ST8SIA6: variants seen among roughly 807,000 people sequenced by gnomAD.
ST8SIA6 encodes the protein alpha-2,8-sialyltransferase 8F.
A neutral mutation model predicts 33.6 loss-of-function variants in ST8SIA6; 39 were observed. The observed-to-expected ratio is 1.16, with a 90% CI of 0.90 to 1.52. The LOEUF (loss-of-function observed/expected upper bound fraction) is 1.52, where lower values mean the gene tolerates loss of function less well. Ranked by LOEUF, ST8SIA6 falls within the 40% of genes most tolerant of loss-of-function variation. The pLI, the probability that ST8SIA6 is intolerant of heterozygous loss-of-function variation, is 0.00. For missense variants in ST8SIA6, 441 were observed against 443.8 expected (o/e 0.99, Z 0.06); for synonymous variants, 172 against 167.2 (o/e 1.03, Z -0.22).
chr10:17,364,044 C>CT (rs1366598276), intron 3 of ST8SIA6, among the ~76,000 whole-genome samples: 2 of 149,654 alleles, frequency 1.3e-5, no homozygotes, highest in African/African-American at 5.0e-5. Context: ...TTAAAGATTA[C>CT]TTTATTACTA....
intron 3 of ST8SIA6, among the ~76,000 whole-genome samples, chr10:17,377,919 C>A (rs1483942543): frequency 3.3e-5 from 5 of 152,180 alleles, no homozygotes; most frequent in Non-Finnish European, 7.3e-5. Context: ...GAACACACAA[C>A]CCCTGACCAT....
chr10:17,407,847 A>G (rs1851323453), intron 2 of ST8SIA6: 1 of 152,294 alleles, frequency 6.6e-6, no homozygotes, highest in Admixed American at 6.5e-5. Flanking sequence ...CACACAAGAA[A>G]TGTTGGACTG....
At chr10:17,397,643 C>G (rs1850863166) in intron 2 of ST8SIA6, among the ~76,000 whole-genome samples, 1 of 152,190 alleles carries the variant, frequency 6.6e-6, no homozygotes, top group Admixed American at 6.5e-5. Context: ...AAGCCATCCA[C>G]CACCTGGCCC....
intron 2 of ST8SIA6, among the ~76,000 whole-genome samples, chr10:17,434,379 C>A (rs1852188577): frequency 6.6e-6 from 1 of 152,174 alleles, no homozygotes; most frequent in Non-Finnish European, 1.5e-5. Flanking sequence ...CCTGCATATT[C>A]ACCCTGTTGG....
At chr10:17,419,803 T>C (rs1851723956) in intron 2 of ST8SIA6, among the ~76,000 whole-genome samples, 1 of 152,252 alleles carries the variant, frequency 6.6e-6, no homozygotes, top group South Asian at 2.1e-4. Flanking sequence ...TCCTTTAGCT[T>C]TTTTCCTACA....
At chr10:17,379,496 A>G (rs1013726097) in intron 3 of ST8SIA6, among the ~76,000 whole-genome samples, 3 of 152,224 alleles carry the variant, frequency 2.0e-5, no homozygotes, top group Admixed American at 1.3e-4. Context: ...GCTTAGGGCA[A>G]ACCTGCTTCC....
At chr10:17,449,866 G>C (rs1049802999) in intron 2 of ST8SIA6, among the ~76,000 whole-genome samples, 1 of 152,154 alleles carries the variant, frequency 6.6e-6, no homozygotes, top group Non-Finnish European at 1.5e-5. Context: ...TAAAAAGCTA[G>C]TGACAAGAGT....
chr10:17,452,392 G>T (rs1172974407), intron 2 of ST8SIA6, among the ~76,000 whole-genome samples: 1 of 152,106 alleles, frequency 6.6e-6, no homozygotes, highest in Non-Finnish European at 1.5e-5. Context: ...ATACGCAGAA[G>T]AAAAGGGATT....
intron 4 of ST8SIA6, among the ~76,000 whole-genome samples, chr10:17,339,114 CT>C (rs397762102): frequency 2.1e-4 from 31 of 149,872 alleles, no homozygotes; most frequent in East Asian, 9.8e-4. Flanking sequence ...GTAAAAATTC[CT>C]TTTTTTTTTC....
chr10:17,391,564 G>A (rs536757998), intron 2 of ST8SIA6, among the ~76,000 whole-genome samples: 9 of 152,260 alleles, frequency 5.9e-5, no homozygotes, highest in Admixed American at 2.6e-4. Context: ...TCCCAGTCGC[G>A]TTTATTTTTA....
chr10:17,432,711 C>T (rs1183449910), intron 2 of ST8SIA6, among the ~76,000 whole-genome samples: 4 of 152,246 alleles, frequency 2.6e-5, no homozygotes, highest in East Asian at 1.9e-4. Context: ...CTGAGGACTC[C>T]GTACTTCTAT....
At chr10:17,388,805 A>T (rs942645760) in intron 3 of ST8SIA6, among the ~76,000 whole-genome samples, 9 of 152,326 alleles carry the variant, frequency 5.9e-5, no homozygotes, top group Admixed American at 2.0e-4. Flanking sequence ...AACAAAATTG[A>T]TAATAGCGCT....
At chr10:17,383,553 T>C (rs1850233454) in intron 3 of ST8SIA6, among the ~76,000 whole-genome samples, 1 of 152,246 alleles carries the variant, frequency 6.6e-6, no homozygotes, top group South Asian at 2.1e-4. Flanking sequence ...TTGTGTTTTT[T>C]GACTATGGCT....
At chr10:17,449,502 T>C (rs1852835443) in intron 2 of ST8SIA6, among the ~76,000 whole-genome samples, 1 of 152,224 alleles carries the variant, frequency 6.6e-6, no homozygotes, top group African/African-American at 2.4e-5. Context: ...TAAGACTTTT[T>C]CCTGAAAGAA....
chr10:17,426,965 G>T (rs1435658681), intron 2 of ST8SIA6, among the ~76,000 whole-genome samples: 1 of 152,132 alleles, frequency 6.6e-6, no homozygotes, highest in African/African-American at 2.4e-5. Flanking sequence ...AGCCAGGCAT[G>T]GTGGTGTGCA....
chr10:17,371,908 A>T (rs12257666), intron 3 of ST8SIA6, among the ~76,000 whole-genome samples: 27,431 of 151,868 alleles, frequency 0.18, 2,615 homozygotes, highest in South Asian at 0.22. Flanking sequence ...TAGAAATAAT[A>T]TATTTATTGT....
chr10:17,364,588 G>A (rs1050344829), intron 3 of ST8SIA6, among the ~76,000 whole-genome samples: 6 of 152,194 alleles, frequency 3.9e-5, no homozygotes, highest in Admixed American at 2.6e-4. Context: ...TTTTCTAAGT[G>A]CTTGCCCTTT....
At chr10:17,425,005 G>A (rs1372672598) in intron 2 of ST8SIA6, among the ~76,000 whole-genome samples, 2 of 152,004 alleles carry the variant, frequency 1.3e-5, no homozygotes, top group African/African-American at 4.8e-5. Flanking sequence ...AAAATGCTGG[G>A]ATTCAGGCAT....
chr10:17,424,315 G>A (rs1247805767), intron 2 of ST8SIA6, among the ~76,000 whole-genome samples: 1 of 152,044 alleles, frequency 6.6e-6, no homozygotes, highest in Non-Finnish European at 1.5e-5. Flanking sequence ...TTTTGCACAG[G>A]CTGGTCTCGA....
Sources: allele counts gnomAD v4.1 joint callset (sites outside exome capture counted in the v4.1 genomes callset), GRCh38; gene constraint gnomAD v4.1.1; transcripts MANE v1.5; gene names NCBI Gene and HGNC (gene_info 2026-07-23, HGNC 2026-07-21).